Variants in TMEM108 observed in about 807,000 individuals in gnomAD.
TMEM108 encodes cancer/testis antigen 124.
TMEM108 carries 12 observed loss-of-function variants against 35.1 expected under a neutral mutation model. That is an observed-to-expected ratio of 0.34 (90% CI 0.22 to 0.55). TMEM108 has a LOEUF of 0.55. Ranked by LOEUF, TMEM108 falls within the 20% of genes least tolerant of loss-of-function variation. The pLI, the probability that TMEM108 is intolerant of heterozygous loss-of-function variation, is 0.89. For missense variants in TMEM108, 680 were observed against 753.3 expected (o/e 0.90, Z 1.14); for synonymous variants, 287 against 308.6 (o/e 0.93, Z 0.73).
At chr3:133,054,655 A>ATTGAGTGTGACTTTATAAGGGAATGC (rs1943444279) in intron 2 of TMEM108, among the ~76,000 whole-genome samples, 1 of 152,182 alleles carries the variant, frequency 6.6e-6, no homozygotes, top group East Asian at 1.9e-4. Flanking sequence ...TGAGCCAGTG[A>ATTGAGTGTGACTTTATAAGGGAATGC]TTGAGTGTGA....
At chr3:133,088,452 G>A (rs532582751) in intron 2 of TMEM108, among the ~76,000 whole-genome samples, 28 of 152,306 alleles carry the variant, frequency 1.8e-4, no homozygotes, top group African/African-American at 6.3e-4. Context: ...GGGGTGGTAG[G>A]AATAGAGCAA....
At chr3:133,190,664 T>TA (rs1223739723) in intron 2 of TMEM108, among the ~76,000 whole-genome samples, 4 of 152,184 alleles carry the variant, frequency 2.6e-5, no homozygotes, top group Admixed American at 6.5e-5. Context: ...CTTCCTGTTT[T>TA]AAAACCTTAA....
intron 3 of TMEM108, among the ~76,000 whole-genome samples, chr3:133,242,585 C>T (rs1196922812): frequency 6.6e-6 from 1 of 152,080 alleles, no homozygotes; most frequent in African/African-American, 2.4e-5. Context: ...GTGAGATGCA[C>T]ACTGATGGGC....
rs551262715 is a variant in TMEM108, at chr3:133,064,908, A to G, written c.-47+18888A>G. On this transcript the variant is annotated intron_variant, in intron 2 of 5. Coordinates refer to ENST00000321871, the MANE Select transcript of TMEM108 (RefSeq NM_023943.4). Reference sequence around the variant, plus strand: ...AGTTGGTTTACTGGTCTTTTTTCCAACCAGAACTTTACACTGATACTTCCT... The same window carrying G: ...AGTTGGTTTACTGGTCTTTTTTCCAGCCAGAACTTTACACTGATACTTCCT... 1.4e-4 allele frequency among the ~76,000 whole-genome samples: 22 copies of G among 152,220 alleles called. No homozygotes were observed. In the South Asian group the frequency reaches 4.6e-3, roughly 32 times the overall value.
intron 2 of TMEM108, among the ~76,000 whole-genome samples, chr3:133,073,510 C>CTCTCTCTCTCTATATATA: frequency 2.7e-3 from 118 of 43,854 alleles, no homozygotes; most frequent in African/African-American, 5.1e-3. Context: ...CTCTCTCTCT[C>CTCTCTCTCTCTATATATA]TATATATATA....
At chr3:133,304,442 A>G (rs1947273288) in intron 3 of TMEM108, among the ~76,000 whole-genome samples, 1 of 136,202 alleles carries the variant, frequency 7.3e-6, no homozygotes, top group African/African-American at 2.5e-5. Flanking sequence ...CCCTCAATAT[A>G]GTCCAGTCAT....
chr3:133,075,299 A>G (rs1943726622), intron 2 of TMEM108, among the ~76,000 whole-genome samples: 1 of 152,176 alleles, frequency 6.6e-6, no homozygotes, highest in Non-Finnish European at 1.5e-5. Context: ...ATTGCTCTCC[A>G]GGATAGCTCT....
At chr3:133,080,540 A>C (rs1943796568) in intron 2 of TMEM108, among the ~76,000 whole-genome samples, 1 of 152,204 alleles carries the variant, frequency 6.6e-6, no homozygotes. Context: ...TCTCCCCTGG[A>C]ATCCTTCCCA....
intron 2 of TMEM108, among the ~76,000 whole-genome samples, chr3:133,081,341 CG>C (rs1943808131): frequency 6.6e-6 from 1 of 152,196 alleles, no homozygotes; most frequent in Admixed American, 6.5e-5. Context: ...TGTTCTCACA[CG>C]GCAGAAAGGG....
intron 3 of TMEM108, among the ~76,000 whole-genome samples, chr3:133,253,210 A>G (rs1240832919): frequency 6.6e-6 from 1 of 152,222 alleles, no homozygotes; most frequent in East Asian, 1.9e-4. Context: ...AAGAAATACC[A>G]TATAAGACAA....
intron 2 of TMEM108, among the ~76,000 whole-genome samples, chr3:133,155,548 C>G (rs1944868169): frequency 6.6e-6 from 1 of 152,104 alleles, no homozygotes; most frequent in African/African-American, 2.4e-5. Context: ...AATAGCCATT[C>G]TGACTGATAT....
chr3:133,277,288 A>G (rs1214872588), intron 3 of TMEM108, among the ~76,000 whole-genome samples: 1 of 152,140 alleles, frequency 6.6e-6, no homozygotes, highest in Non-Finnish European at 1.5e-5. Context: ...TTAAGGGTAA[A>G]AGATTTCTTT....
intron 3 of TMEM108, among the ~76,000 whole-genome samples, chr3:133,355,310 C>G (rs1476093276): frequency 6.6e-6 from 1 of 151,992 alleles, no homozygotes; most frequent in Non-Finnish European, 1.5e-5. Context: ...TAGAGAAACT[C>G]CTGTTTATCT....
chr3:133,055,230 G>A (rs1027746789), intron 2 of TMEM108, among the ~76,000 whole-genome samples: 4 of 152,100 alleles, frequency 2.6e-5, no homozygotes, highest in Non-Finnish European at 4.4e-5. Context: ...ATAACCACAC[G>A]TTGCCAGAAG....
At chr3:133,361,911 A>G (rs540211191) in intron 3 of TMEM108, among the ~76,000 whole-genome samples, 1 of 152,354 alleles carries the variant, frequency 6.6e-6, no homozygotes, top group African/African-American at 2.4e-5. Flanking sequence ...TGGTACAGTC[A>G]TGTTTGGAAA....
rs181298941 is a variant in TMEM108 at position 133,051,728 on chromosome 3, A to G, written c.-47+5708A>G. Among the ~76,000 whole-genome samples the G allele has an allele frequency of 9.2e-4, 140 of 152,188 alleles. 1 individual carries two copies. The highest frequency in any genetic ancestry group is 9.2e-3 in the Admixed American group (140 of 15,270). ...CTGTGTCTAGATTAATATATTTTGC[A>G]TTGGATGTCCAATTTTACCAGCATC... On this transcript the variant is annotated intron_variant, in intron 2 of 5. Transcript: ENST00000321871.
rs903213501 is a variant in TMEM108 at position 133,397,103 on chromosome 3, G to A, written c.*1117G>A. 17 of 152,100 alleles carry A rather than the reference G, an allele frequency of 1.1e-4. No individual in the cohort carries two copies. Among genetic ancestry groups the A allele is most frequent in the African/African-American group, 3.1e-4 (13 of 41,430 alleles). The allele number at this position is 152,100 out of a possible 1,614,324, so 9.4% of individuals were successfully genotyped here. ...TCCACTGCTCCCCTTGTTCCCGGCC[G>A]GCTGGCTGCCTCCCCGTGCTGTGTC... On this transcript the variant is annotated 3_prime_UTR_variant, in exon 6 of 6. Coordinates refer to ENST00000321871, the MANE Select transcript of TMEM108 (RefSeq NM_023943.4).
intron 2 of TMEM108, among the ~76,000 whole-genome samples, chr3:133,154,228 A>G (rs961257771): frequency 3.3e-5 from 5 of 151,734 alleles, no homozygotes; most frequent in African/African-American, 1.2e-4. Context: ...ATTTTCTCCC[A>G]TTCTGTAGGT....
intron 2 of TMEM108, among the ~76,000 whole-genome samples, chr3:133,169,914 A>C (rs958825748): frequency 2.6e-5 from 4 of 152,240 alleles, no homozygotes; most frequent in African/African-American, 9.6e-5. Context: ...AGACGATCTC[A>C]GCGCAGATGC....
Sources: allele counts gnomAD v4.1 joint callset (sites outside exome capture counted in the v4.1 genomes callset), GRCh38; gene constraint gnomAD v4.1.1; transcripts MANE v1.5; gene names NCBI Gene and HGNC (gene_info 2026-07-23, HGNC 2026-07-21).